Variants in SEMA3E observed in about 807,000 individuals in gnomAD.
SEMA3E encodes the protein semaphorin-3E.
Under a neutral mutation model 93.6 loss-of-function variants are expected in SEMA3E, and 49 were observed. The observed-to-expected ratio is 0.52, with a 90% CI of 0.42 to 0.66. The LOEUF (loss-of-function observed/expected upper bound fraction) is 0.66, where lower values mean the gene tolerates loss of function less well. Among genes scored for constraint, SEMA3E ranks in the 30% least tolerant of loss-of-function variants. SEMA3E has a pLI of 0.00. For missense variants in SEMA3E, 906 were observed against 964.8 expected (o/e 0.94, Z 0.81); for synonymous variants, 363 against 330.7 (o/e 1.10, Z -1.06).
chr7:83,503,168 C>A (rs1186518305), intron 1 of SEMA3E, among the ~76,000 whole-genome samples: 4 of 152,034 alleles, frequency 2.6e-5, no homozygotes, highest in Non-Finnish European at 4.4e-5. Flanking sequence ...GGAAATTTCA[C>A]AATTACATGA....
Position 83,366,041 on chromosome 7 carries a change from C to A in SEMA3E, c.*1545G>T, listed in dbSNP as rs1794661754. 6.6e-6 allele frequency: 1 copy of A among 151,992 alleles called. No homozygotes were observed. The highest frequency in any genetic ancestry group is 6.6e-5 in the Admixed American group (1 of 15,256). The allele number at this position is 151,992 out of a possible 1,614,324, so 9.4% of individuals were successfully genotyped here. A position where few individuals can be genotyped will look rare whatever the true frequency, so the allele number is the denominator to read the frequency against. ...TCTTAGATCTTTTGAAGCATGGTGA[C>A]TTATCTGAATAAACTTAAATTTTTC... On this transcript the variant is annotated 3_prime_UTR_variant, in exon 17 of 17. Coordinates refer to ENST00000643230, the MANE Select transcript of SEMA3E (RefSeq NM_012431.3).
intron 1 of SEMA3E, among the ~76,000 whole-genome samples, chr7:83,501,167 TTCA>T (rs1355327780): frequency 2.0e-5 from 3 of 152,178 alleles, no homozygotes; most frequent in Non-Finnish European, 4.4e-5. Context: ...ATCTGGTTAC[TTCA>T]TCATTAATTC....
chr7:83,569,420 C>T (rs1197225911), intron 1 of SEMA3E, among the ~76,000 whole-genome samples: 1 of 152,022 alleles, frequency 6.6e-6, no homozygotes, highest in African/African-American at 2.4e-5. Flanking sequence ...CTAAAAGCTC[C>T]ACTTAAAAGG....
rs115104385 is a variant in SEMA3E, at chr7:83,573,760, T to C, written c.115+74668A>G. Among the ~76,000 whole-genome samples, 741 of 152,150 alleles carry C rather than the reference T, an allele frequency of 4.9e-3. 6 individuals are homozygous for C. Among genetic ancestry groups the C allele is most frequent in the African/African-American group, 0.015 (634 of 41,556 alleles). On this transcript the variant is annotated intron_variant, in intron 1 of 16. Transcript: ENST00000643230. ...AGGTCTACATGTAGACGATTCATGG[T>C]ATTCTTTATAGTGATAATAAAAATA...
chr7:83,569,782 C>T (rs1792237161), intron 1 of SEMA3E, among the ~76,000 whole-genome samples: 1 of 152,154 alleles, frequency 6.6e-6, no homozygotes, highest in African/African-American at 2.4e-5. Flanking sequence ...TGGGAGACTT[C>T]AACACCCCAG....
intron 1 of SEMA3E, among the ~76,000 whole-genome samples, chr7:83,509,925 A>T (rs1329313790): frequency 6.6e-6 from 1 of 152,166 alleles, no homozygotes; most frequent in Non-Finnish European, 1.5e-5. Context: ...CAAGACATCA[A>T]ACTTGCCAGA....
At chr7:83,537,385 T>G (rs1791428469) in intron 1 of SEMA3E, among the ~76,000 whole-genome samples, 1 of 152,168 alleles carries the variant, frequency 6.6e-6, no homozygotes. Context: ...GCAGTGGTCT[T>G]AACTTGGGAA....
Position 83,421,679 on chromosome 7 carries a change from C to T in SEMA3E, c.457-3196G>A, listed in dbSNP as rs146133287. 3.5e-3 allele frequency among the ~76,000 whole-genome samples: 492 copies of T among 142,526 alleles called. 80 individuals carry two copies. Among genetic ancestry groups the T allele is most frequent in the Middle Eastern group, 7.6e-3 (2 of 262 alleles). The allele number at this position is 142,526 out of a possible 152,430, so 93.5% of individuals were successfully genotyped here. A position where few individuals can be genotyped will look rare whatever the true frequency, so the allele number is the denominator to read the frequency against. On this transcript the variant is annotated intron_variant, in intron 4 of 16. Transcript: ENST00000643230. ...ACCTCTGAGAGTTGAGGGCACTTCT[C>T]TCAAACTTGATCTTAACTTTGCTAG...
At chr7:83,426,917 T>C (rs532950207) in intron 4 of SEMA3E, among the ~76,000 whole-genome samples, 2 of 152,232 alleles carry the variant, frequency 1.3e-5, no homozygotes, top group African/African-American at 4.8e-5. Flanking sequence ...ACCCAATAAA[T>C]ACATTATTGT....
intron 1 of SEMA3E, among the ~76,000 whole-genome samples, chr7:83,564,751 T>C (rs1390077180): frequency 6.6e-6 from 1 of 152,142 alleles, no homozygotes; most frequent in Non-Finnish European, 1.5e-5. Flanking sequence ...AAATATGTGT[T>C]CAGGAATGTT....
rs376538800 is a variant in SEMA3E, at chr7:83,408,498, G to A, written c.551-11C>T. On this transcript the variant is annotated splice_polypyrimidine_tract_variant and intron_variant, in intron 5 of 16. Coordinates refer to ENST00000643230, the MANE Select transcript of SEMA3E (RefSeq NM_012431.3). Reference sequence around the variant, plus strand: ...CAAACAATTCACTACCTACACGGGAGCATCAGTAAAAAAGAAGTCAGTATT... The same window carrying A: ...CAAACAATTCACTACCTACACGGGAACATCAGTAAAAAAGAAGTCAGTATT... 41 of 1,613,198 alleles carry A rather than the reference G, an allele frequency of 2.5e-5. No individual in the cohort carries two copies. Among genetic ancestry groups the A allele is most frequent in the Non-Finnish European group, 3.5e-5 (41 of 1,179,588 alleles).
At chr7:83,415,416 T>C (rs990259433) in intron 5 of SEMA3E, among the ~76,000 whole-genome samples, 2 of 152,112 alleles carry the variant, frequency 1.3e-5, no homozygotes, top group African/African-American at 4.8e-5. Context: ...CTATTTAATA[T>C]ATGATTTCAT....
At chr7:83,388,192 C>T (rs6975263) in intron 14 of SEMA3E, among the ~76,000 whole-genome samples, 102,020 of 147,582 alleles carry the variant, frequency 0.69, 39,527 homozygotes, top group South Asian at 0.89. Context: ...GCCTGTAGTC[C>T]CAGCTACTCA....
chr7:83,453,184 C>T (rs1365471775), intron 4 of SEMA3E, among the ~76,000 whole-genome samples: 11 of 151,916 alleles, frequency 7.2e-5, no homozygotes, highest in African/African-American at 1.7e-4. Flanking sequence ...CCCACCACCA[C>T]GCCTGGCTAA....
At chr7:83,550,379 G>A (rs1432584482) in intron 1 of SEMA3E, among the ~76,000 whole-genome samples, 1 of 152,048 alleles carries the variant, frequency 6.6e-6, no homozygotes, top group African/African-American at 2.4e-5. Context: ...TCAGTGGAAT[G>A]CTGACATATA....
intron 1 of SEMA3E, among the ~76,000 whole-genome samples, chr7:83,490,493 T>C (rs905492321): frequency 2.0e-5 from 3 of 151,998 alleles, no homozygotes; most frequent in Non-Finnish European, 2.9e-5. Context: ...AAGAAAAATA[T>C]TCTATATTTT....
chr7:83,575,683 T>A (rs1009540118), intron 1 of SEMA3E, among the ~76,000 whole-genome samples: 10 of 152,200 alleles, frequency 6.6e-5, no homozygotes, highest in African/African-American at 2.2e-4. Flanking sequence ...AAGCTGTGGA[T>A]CCCTTCTTTC....
chr7:83,456,952 A>T (rs1380887027), intron 4 of SEMA3E, among the ~76,000 whole-genome samples: 1 of 152,136 alleles, frequency 6.6e-6, no homozygotes, highest in Non-Finnish European at 1.5e-5. Flanking sequence ...ATATTATTAC[A>T]TTTATTATGT....
chr7:83,645,070 G>GT (rs1217910733), intron 1 of SEMA3E, among the ~76,000 whole-genome samples: 4 of 152,000 alleles, frequency 2.6e-5, no homozygotes, highest in East Asian at 3.9e-4. Context: ...TGGCTTATTT[G>GT]TTTTTTCTTC....
Sources: allele counts gnomAD v4.1 joint callset (sites outside exome capture counted in the v4.1 genomes callset), GRCh38; gene constraint gnomAD v4.1.1; transcripts MANE v1.5; gene names NCBI Gene and HGNC (gene_info 2026-07-23, HGNC 2026-07-21).